CYP2C19: variants seen among roughly 807,000 people sequenced by gnomAD.
The protein encoded by CYP2C19 is cytochrome P450 family 2 subfamily C member 19, also known as cytochrome P450 2C19.
Under a neutral mutation model 40.9 loss-of-function variants are expected in CYP2C19, and 59 were observed. That is an observed-to-expected ratio of 1.44 (90% CI 1.17 to 1.79). The LOEUF is 1.79. Ranked by LOEUF, CYP2C19 falls within the 40% of genes most tolerant of loss-of-function variation. CYP2C19 has a pLI of 0.00. For missense variants in CYP2C19, 754 were observed against 596.9 expected (o/e 1.26, Z -2.74); for synonymous variants, 253 against 208.7 (o/e 1.21, Z -1.83).
At chr10:94,815,429 A>C (rs141515516) in intron 5 of CYP2C19, among the ~76,000 whole-genome samples, 200 of 152,358 alleles carry the variant, frequency 1.3e-3, no homozygotes, top group African/African-American at 4.4e-3. Context: ...TCTTGTACTC[A>C]GTATTCAAAA....
At chr10:94,771,957 G>A (rs574982163) in intron 1 of CYP2C19, among the ~76,000 whole-genome samples, 6 of 152,142 alleles carry the variant, frequency 3.9e-5, no homozygotes, top group African/African-American at 7.2e-5. Flanking sequence ...GCCTGTCCTC[G>A]TAGACCACAA....
chr10:94,833,453 C>CTTT (rs536982317), intron 6 of CYP2C19, among the ~76,000 whole-genome samples: 1 of 149,218 alleles, frequency 6.7e-6, no homozygotes, highest in African/African-American at 2.5e-5. Flanking sequence ...GTTTTTTTTT[C>CTTT]TTTTTTTTTA....
At chr10:94,834,148 G>T (rs1849367314) in intron 6 of CYP2C19, among the ~76,000 whole-genome samples, 1 of 152,092 alleles carries the variant, frequency 6.6e-6, no homozygotes, top group South Asian at 2.1e-4. Flanking sequence ...TCCTTATTGG[G>T]ATAATTTTTA....
chr10:94,777,015 GCAGA>G (rs1444773540), intron 3 of CYP2C19, among the ~76,000 whole-genome samples: 1 of 151,928 alleles, frequency 6.6e-6, no homozygotes, highest in African/African-American at 2.4e-5. Context: ...TAATAGACAA[GCAGA>G]CAGTCAAATA....
chr10:94,798,426 T>C (rs1195682506), intron 5 of CYP2C19, among the ~76,000 whole-genome samples: 1 of 152,166 alleles, frequency 6.6e-6, no homozygotes, highest in Non-Finnish European at 1.5e-5. Context: ...TGATCAATTT[T>C]AGAATAAGCA....
chr10:94,798,979 A>G (rs1385103627), intron 5 of CYP2C19, among the ~76,000 whole-genome samples: 1 of 151,962 alleles, frequency 6.6e-6, no homozygotes, highest in Non-Finnish European at 1.5e-5. Flanking sequence ...GTGGCTTTTA[A>G]TTGGGGCACT....
intron 5 of CYP2C19, among the ~76,000 whole-genome samples, chr10:94,795,988 A>G (rs944299373): frequency 2.2e-4 from 33 of 151,948 alleles, no homozygotes; most frequent in African/African-American, 7.7e-4. Context: ...GCTGTGCAGA[A>G]TCTCTTTAGT....
intron 5 of CYP2C19, among the ~76,000 whole-genome samples, chr10:94,794,260 T>TG (rs1848651511): frequency 6.6e-6 from 1 of 152,110 alleles, no homozygotes; most frequent in African/African-American, 2.4e-5. Context: ...CCATCTGTCA[T>TG]GGCTTTCCTT....
chr10:94,813,995 CTTCACAGCACATTCCCTCAAGG>C (rs1388827319), intron 5 of CYP2C19, among the ~76,000 whole-genome samples: 1 of 150,576 alleles, frequency 6.6e-6, no homozygotes, highest in Non-Finnish European at 1.5e-5. Context: ...GTGCACCGTT[CTTCACAGCACATTCCCTCAAGG>C]CTTTCCTTGG....
intron 1 of CYP2C19, among the ~76,000 whole-genome samples, chr10:94,769,823 G>C (rs1343661873): frequency 6.6e-6 from 1 of 152,088 alleles, no homozygotes; most frequent in African/African-American, 2.4e-5. Context: ...AGACTTCAGG[G>C]TTAATTCCCT....
chr10:94,801,209 T>C (rs1848760575), intron 5 of CYP2C19, among the ~76,000 whole-genome samples: 1 of 152,246 alleles, frequency 6.6e-6, no homozygotes, highest in Admixed American at 6.5e-5. Context: ...AGATCTTTCA[T>C]GCTTTCTCTT....
chr10:94,807,466 T>C (rs1350379976), intron 5 of CYP2C19, among the ~76,000 whole-genome samples: 1 of 152,156 alleles, frequency 6.6e-6, no homozygotes, highest in Non-Finnish European at 1.5e-5. Context: ...TCGAGGATTC[T>C]TTATACTGTT....
At chr10:94,806,582 C>A (rs1288127643) in intron 5 of CYP2C19, among the ~76,000 whole-genome samples, 1 of 149,054 alleles carries the variant, frequency 6.7e-6, no homozygotes, top group Non-Finnish European at 1.5e-5. Context: ...GTTTTCTTAG[C>A]CTTTATTTAT....
At chr10:94,800,006 A>C (rs1848741863) in intron 5 of CYP2C19, among the ~76,000 whole-genome samples, 1 of 152,178 alleles carries the variant, frequency 6.6e-6, no homozygotes, top group Admixed American at 6.5e-5. Flanking sequence ...TACTTCTGTC[A>C]ACTCATCAAA....
At chr10:94,786,709 A>G (rs1410351248) in intron 5 of CYP2C19, among the ~76,000 whole-genome samples, 1 of 152,024 alleles carries the variant, frequency 6.6e-6, no homozygotes. Context: ...ATCTATAGTA[A>G]TTCCCAGTGT....
chr10:94,808,313 GA>G, intron 5 of CYP2C19, among the ~76,000 whole-genome samples: 1 of 152,194 alleles, frequency 6.6e-6, no homozygotes, highest in East Asian at 1.9e-4. Context: ...TGGGTACACA[GA>G]AGGTATATAT....
At chr10:94,801,210 G>T (rs996336664) in intron 5 of CYP2C19, among the ~76,000 whole-genome samples, 1 of 152,144 alleles carries the variant, frequency 6.6e-6, no homozygotes, top group African/African-American at 2.4e-5. Flanking sequence ...GATCTTTCAT[G>T]CTTTCTCTTG....
At chr10:94,774,951 G>C in intron 1 of CYP2C19, 107 bp from the exon 2 acceptor site, 1 of 1,193,360 alleles carries the variant, frequency 8.4e-7, no homozygotes, top group Admixed American at 2.4e-5. Flanking sequence ...GAGCCTGTGT[G>C]ACTGAATAAA....
intron 7 of CYP2C19, among the ~76,000 whole-genome samples, chr10:94,846,275 G>T (rs931719608): frequency 6.6e-6 from 1 of 151,722 alleles, no homozygotes; most frequent in Admixed American, 6.6e-5. Context: ...ATTTTCTTCG[G>T]GCTTGTTTTG....
Sources: gnomAD v4.1 joint callset for allele counts (sites outside exome capture counted in the v4.1 genomes callset) on GRCh38, gnomAD v4.1.1 for gene constraint, MANE v1.5 for transcripts, NCBI Gene and HGNC (gene_info 2026-07-23, HGNC 2026-07-21) for gene names.